ENOX1: variants seen among roughly 807,000 people sequenced by gnomAD.
ENOX1 encodes the protein candidate growth-related and time keeping constitutive hydroquinone (NADH) oxidase.
A neutral mutation model predicts 82.5 loss-of-function variants in ENOX1; 42 were observed. The observed-to-expected ratio is 0.51, with a 90% confidence interval of 0.40 to 0.66. ENOX1 has a LOEUF of 0.66. Ranked by LOEUF, ENOX1 falls within the 30% of genes least tolerant of loss-of-function variation. The pLI, the probability that ENOX1 is intolerant of heterozygous loss-of-function variation, is 0.00. For synonymous variants in ENOX1, 271 were observed against 282.2 expected (o/e 0.96, Z 0.40); for missense variants, 608 against 811.6 (o/e 0.75, Z 3.05).
intron 2 of ENOX1, among the ~76,000 whole-genome samples, chr13:43,634,733 C>G (rs2083348526): frequency 6.6e-6 from 1 of 152,158 alleles, no homozygotes; most frequent in African/African-American, 2.4e-5. Flanking sequence ...TTTATGTCAT[C>G]ATGGGTATGT....
intron 1 of ENOX1, among the ~76,000 whole-genome samples, chr13:43,720,608 T>C (rs2088502421): frequency 6.6e-6 from 1 of 152,268 alleles, no homozygotes; most frequent in African/African-American, 2.4e-5. Context: ...AATGCTCTGC[T>C]GTCATCATCT....
At chr13:43,644,936 G>A (rs575631831) in intron 2 of ENOX1, among the ~76,000 whole-genome samples, 17 of 152,224 alleles carry the variant, frequency 1.1e-4, no homozygotes, top group African/African-American at 1.7e-4. Flanking sequence ...TAGATTATAC[G>A]AGTTACTTGG....
At chr13:43,238,479 G>A (rs2042657819) in intron 14 of ENOX1, among the ~76,000 whole-genome samples, 1 of 152,164 alleles carries the variant, frequency 6.6e-6, no homozygotes, top group South Asian at 2.1e-4. Context: ...CATCTTTCTA[G>A]GGTAGTGGGG....
chr13:43,368,791 C>G (rs2051021149), intron 5 of ENOX1, among the ~76,000 whole-genome samples: 1 of 152,170 alleles, frequency 6.6e-6, no homozygotes, highest in African/African-American at 2.4e-5. Context: ...AATTTCAAAG[C>G]AGAAAGCAAC....
rs149196957 is a variant in ENOX1 at position 43,218,134 on chromosome 13, T to C, written c.1801-4013A>G. On this transcript the variant is annotated intron_variant, in intron 16 of 16. Coordinates refer to ENST00000690772, the MANE Select transcript of ENOX1 (RefSeq NM_001347969.2). Reference sequence around the variant, plus strand: ...GGGATTTGAAATCCTCGTAATTACTTAATACATACTTCAGATTTTGAGAAA... The same window carrying C: ...GGGATTTGAAATCCTCGTAATTACTCAATACATACTTCAGATTTTGAGAAA... 2.8e-3 allele frequency among the ~76,000 whole-genome samples: 420 copies of C among 152,344 alleles called. 1 individual carries two copies. The highest frequency in any genetic ancestry group is 9.5e-3 in the African/African-American group (396 of 41,590).
chr13:43,428,675 T>C (rs551762330), intron 3 of ENOX1, among the ~76,000 whole-genome samples: 2 of 152,290 alleles, frequency 1.3e-5, no homozygotes, highest in East Asian at 3.9e-4. Context: ...AAATACACTC[T>C]CTCTAACACG....
Position 43,354,597 on chromosome 13 carries a change from C to G in ENOX1, c.823+1322G>C, listed in dbSNP as rs111642272. On this transcript the variant is annotated intron_variant, in intron 8 of 16. Transcript: ENST00000690772. ...CACTTTATACACTGCCAGCAATACA[C>G]CAGCTATGTTCTAAAACACTTGAAG... Among the ~76,000 whole-genome samples the G allele has an allele frequency of 5.9e-5, 9 of 152,158 alleles. 1 individual carries two copies. Among genetic ancestry groups the G allele is most frequent in the African/African-American group, 2.2e-4 (9 of 41,504 alleles).
intron 2 of ENOX1, among the ~76,000 whole-genome samples, chr13:43,566,193 C>A (rs1240725851): frequency 6.6e-6 from 1 of 151,940 alleles, no homozygotes; most frequent in Non-Finnish European, 1.5e-5. Flanking sequence ...CATTTTTTCC[C>A]ATTTGTTATT....
chr13:43,504,674 G>A (rs1221497728), intron 2 of ENOX1, among the ~76,000 whole-genome samples: 1 of 151,688 alleles, frequency 6.6e-6, no homozygotes, highest in East Asian at 1.9e-4. Flanking sequence ...AGGGCAAAAT[G>A]TGGAGGTATT....
chr13:43,773,229 T>A (rs1186087598), intron 1 of ENOX1, among the ~76,000 whole-genome samples: 2 of 152,266 alleles, frequency 1.3e-5, no homozygotes, highest in Non-Finnish European at 2.9e-5. Context: ...AACCCTTCAA[T>A]GACTGCTTAA....
At chr13:43,539,439 C>T (rs1385587593) in intron 2 of ENOX1, among the ~76,000 whole-genome samples, 1 of 152,116 alleles carries the variant, frequency 6.6e-6, no homozygotes, top group East Asian at 1.9e-4. Flanking sequence ...AGTATTTATA[C>T]AGAACTATGT....
intron 1 of ENOX1, among the ~76,000 whole-genome samples, chr13:43,743,350 T>C (rs1408134532): frequency 2.6e-5 from 4 of 152,266 alleles, no homozygotes; most frequent in African/African-American, 4.8e-5. Context: ...ACAGGATAGA[T>C]AGAAATTCAG....
chr13:43,626,836 T>C (rs936437070), intron 2 of ENOX1, among the ~76,000 whole-genome samples: 1 of 151,934 alleles, frequency 6.6e-6, no homozygotes, highest in Non-Finnish European at 1.5e-5. Flanking sequence ...ATATTCTATA[T>C]CCTTACTGAT....
intron 3 of ENOX1, among the ~76,000 whole-genome samples, chr13:43,442,752 G>T (rs548627505): frequency 3.3e-5 from 5 of 152,218 alleles, no homozygotes; most frequent in African/African-American, 1.2e-4. Context: ...AGTTCTTCTT[G>T]CAAATCAAGG....
At chr13:43,475,853 T>G (rs1348594259) in intron 3 of ENOX1, among the ~76,000 whole-genome samples, 1 of 150,042 alleles carries the variant, frequency 6.7e-6, no homozygotes, top group African/African-American at 2.5e-5. Flanking sequence ...AAACAGAATT[T>G]GAGAAGAGCC....
chr13:43,614,188 A>T (rs551549274), intron 2 of ENOX1, among the ~76,000 whole-genome samples: 1 of 152,322 alleles, frequency 6.6e-6, no homozygotes, highest in South Asian at 2.1e-4. Flanking sequence ...CATTAGCTTG[A>T]CAGCATACAG....
At chr13:43,290,368 CATAT>C (rs141606203) in intron 12 of ENOX1, among the ~76,000 whole-genome samples, 129 of 150,382 alleles carry the variant, frequency 8.6e-4, no homozygotes, top group Non-Finnish European at 1.6e-3. Flanking sequence ...ATGGGATATA[CATAT>C]ATATATATAT....
intron 11 of ENOX1, among the ~76,000 whole-genome samples, chr13:43,321,481 C>T (rs1332103169): frequency 4.6e-5 from 7 of 152,348 alleles, no homozygotes; most frequent in Admixed American, 2.6e-4. Context: ...GACCACTTTG[C>T]AGTCTTGGTG....
At chr13:43,254,378 T>G (rs1015009780) in intron 14 of ENOX1, among the ~76,000 whole-genome samples, 1 of 152,232 alleles carries the variant, frequency 6.6e-6, no homozygotes, top group African/African-American at 2.4e-5. Flanking sequence ...TCCTCTCCTG[T>G]TGAGGAACTC....
Sources: gnomAD v4.1 joint callset for allele counts (sites outside exome capture counted in the v4.1 genomes callset) on GRCh38, gnomAD v4.1.1 for gene constraint, MANE v1.5 for transcripts, NCBI Gene and HGNC (gene_info 2026-07-23, HGNC 2026-07-21) for gene names.